GFOD1: variants seen among roughly 807,000 people sequenced by gnomAD.
The protein encoded by GFOD1 is Gfo/Idh/MocA-like oxidoreductase domain containing 1.
Under a neutral mutation model 25.4 loss-of-function variants are expected in GFOD1, and 9 were observed. That is an observed-to-expected ratio of 0.35 (90% CI 0.21 to 0.62). The LOEUF is 0.62. GFOD1 is among the 20% of genes least tolerant of loss of function. The pLI, the probability that GFOD1 is intolerant of heterozygous loss-of-function variation, is 0.72. For synonymous variants in GFOD1, 253 were observed against 245.6 expected, an observed-to-expected ratio of 1.03 and a Z score of -0.28; for missense variants, 403 against 556.9, an observed-to-expected ratio of 0.72 and a Z score of 2.78.
chr6:13,412,141 T>C (rs1350434481), intron 1 of GFOD1, among the ~76,000 whole-genome samples: 4 of 152,222 alleles, frequency 2.6e-5, no homozygotes, highest in African/African-American at 9.6e-5. Context: ...TGTTATGAGC[T>C]GAAGTGTGTC....
intron 1 of GFOD1, among the ~76,000 whole-genome samples, chr6:13,474,118 G>A (rs181543260): frequency 3.0e-4 from 45 of 152,304 alleles, no homozygotes; most frequent in African/African-American, 8.4e-4. Context: ...GGTGGCTCTC[G>A]CCTGTAATCC....
chr6:13,470,234 A>C (rs1475378097), intron 1 of GFOD1: 1 of 1,596,738 alleles, frequency 6.3e-7, no homozygotes, highest in South Asian at 1.1e-5. Context: ...ACTGGAAAGA[A>C]GGGCAATTGC....
chr6:13,435,221 G>A (rs1410997532), intron 1 of GFOD1, among the ~76,000 whole-genome samples: 1 of 152,206 alleles, frequency 6.6e-6, no homozygotes, highest in Non-Finnish European at 1.5e-5. Context: ...AACCCTTGAA[G>A]AGTGTGTCTT....
chr6:13,365,402 C>T lies in GFOD1; in HGVS notation c.514G>A (p.Gly172Ser). ...WSCDDLMGGG[G>S]LHSVGTYIID... ...ATGTAGGTGCCCACGGAGTGCAGGCCGCCGCCGCCCATCAAGTCGTCGCAG... is the reference window on the plus strand; with the variant it reads ...ATGTAGGTGCCCACGGAGTGCAGGCTGCCGCCGCCCATCAAGTCGTCGCAG... The change falls in exon 2 of 2, where the codon GGC becomes AGC. Residue 172 changes from glycine (G) to serine (S), a missense_variant. Coordinates refer to ENST00000379287, the MANE Select transcript of GFOD1 (RefSeq NM_018988.4). This position sits in a 1 kb window ranked among gnomAD's most constrained non-coding sequence, Gnocchi z 9.2. 1.2e-6 allele frequency: 2 copies of T among 1,613,822 alleles called. No individual in the cohort carries two copies. Among genetic ancestry groups the T allele is most frequent in the Non-Finnish European group, 8.5e-7 (1 of 1,179,928 alleles).
chr6:13,377,792 A>T (rs1246427342), intron 1 of GFOD1, among the ~76,000 whole-genome samples: 1 of 152,240 alleles, frequency 6.6e-6, no homozygotes, highest in Non-Finnish European at 1.5e-5. Flanking sequence ...ACAGAGGAAG[A>T]GTCTTAAGTA....
rs113459835 is a variant in GFOD1 at position 13,365,334 on chromosome 6, C to T, written c.582G>A (p.Lys194=). 4.2e-4 allele frequency: 681 copies of T among 1,614,230 alleles called. 2 individuals carry two copies. The African/African-American group carries it at 7.6e-3, about 18-fold the overall frequency. ...CGAAGGTCTTGAGCAGCCCGTGGAC[C>T]TTGACGGCCTTTTGGCCGGTGAGGA... ...LTFLTGQKAV[K]VHGLLKTFVK... The change falls in exon 2 of 2, where the codon AAG becomes AAA. Residue 194 remains lysine (K), a synonymous_variant. Transcript: ENST00000379287. This position sits in a 1 kb window ranked among gnomAD's most constrained non-coding sequence, Gnocchi z 9.2.
At chr6:13,471,485 G>T (rs184369676) in intron 1 of GFOD1, among the ~76,000 whole-genome samples, 27 of 152,250 alleles carry the variant, frequency 1.8e-4, no homozygotes, top group Admixed American at 1.7e-3. Flanking sequence ...AGCAGGGAGG[G>T]GCACTGTCAT....
intron 1 of GFOD1, chr6:13,470,529 G>A (rs1023946460): frequency 1.3e-6 from 2 of 1,548,992 alleles, no homozygotes; most frequent in African/African-American, 2.7e-5. Context: ...CCCATGTGGG[G>A]GTGCTGGAGG....
intron 1 of GFOD1, among the ~76,000 whole-genome samples, chr6:13,409,147 AAGAGAGGAAAGAAAGAAAGGAAAGAGAG>A (rs1786009553): frequency 3.4e-5 from 1 of 29,206 alleles, no homozygotes; most frequent in African/African-American, 6.5e-5. Flanking sequence ...GAAAGAAAGA[AAGAGAGGAAAGAAAGAAAGGAAAGAGAG>A]AGAGAGAGAG....
intron 1 of GFOD1, among the ~76,000 whole-genome samples, chr6:13,424,372 C>T (rs879934111): frequency 1.6e-4 from 24 of 152,104 alleles, no homozygotes; most frequent in Non-Finnish European, 2.6e-4. Flanking sequence ...ATGGTGACCA[C>T]GGTGATCACA....
intron 1 of GFOD1, among the ~76,000 whole-genome samples, chr6:13,414,025 G>A (rs1786123184): frequency 6.6e-6 from 1 of 152,168 alleles, no homozygotes. Context: ...AGTTGCCAAA[G>A]CAAATCACGT....
intron 1 of GFOD1, among the ~76,000 whole-genome samples, chr6:13,405,467 T>G (rs1248258860): frequency 3.9e-5 from 6 of 152,234 alleles, no homozygotes; most frequent in Non-Finnish European, 7.3e-5. Flanking sequence ...TGTTTTATAT[T>G]TACAGCACAT....
chr6:13,366,795 A>G (rs1443282595), intron 1 of GFOD1, among the ~76,000 whole-genome samples: 1 of 152,218 alleles, frequency 6.6e-6, no homozygotes, highest in Non-Finnish European at 1.5e-5. Flanking sequence ...CCAAAAGGCC[A>G]TGACTTACTT....
Position 13,364,546 on chromosome 6 carries a change from G to T in GFOD1, c.*197C>A, listed in dbSNP as rs1480047497. 1 of 589,634 alleles carries T rather than the reference G, an allele frequency of 1.7e-6. No homozygotes were observed. Among genetic ancestry groups the T allele is most frequent in the Non-Finnish European group, 3.0e-6 (1 of 331,900 alleles). The allele number at this position is 589,634 out of a possible 1,614,324, so 36.5% of individuals were successfully genotyped here. A position where few individuals can be genotyped will look rare whatever the true frequency, so the allele number is the denominator to read the frequency against. On this transcript the variant is annotated 3_prime_UTR_variant, in exon 2 of 2. Transcript: ENST00000379287. This position sits in a 1 kb window ranked among gnomAD's most constrained non-coding sequence, Gnocchi z 4.1. ...GGCTCTCCTGAATGCTTCCAGGCTA[G>T]GAGCTCAGCCCACCAACAGTCTGGT...
At chr6:13,378,135 C>T (rs1364036126) in intron 1 of GFOD1, among the ~76,000 whole-genome samples, 3 of 152,190 alleles carry the variant, frequency 2.0e-5, no homozygotes, top group Non-Finnish European at 4.4e-5. Flanking sequence ...CCATCACCCC[C>T]ATTTGTAGAA....
chr6:13,367,573 C>T (rs780947565), intron 1 of GFOD1, among the ~76,000 whole-genome samples: 13 of 152,044 alleles, frequency 8.6e-5, no homozygotes, highest in Non-Finnish European at 1.6e-4. Context: ...GTATAAATTA[C>T]ACAGAGACCA....
At chr6:13,426,574 C>T (rs1786357257) in intron 1 of GFOD1, among the ~76,000 whole-genome samples, 1 of 152,170 alleles carries the variant, frequency 6.6e-6, no homozygotes. Context: ...GGCCTCTACC[C>T]CCTAAGAAGG....
chr6:13,385,356 A>G (rs1229214521), intron 1 of GFOD1, among the ~76,000 whole-genome samples: 1 of 152,196 alleles, frequency 6.6e-6, no homozygotes, highest in Non-Finnish European at 1.5e-5. Flanking sequence ...TAAAAGTACC[A>G]TTGGGAACCA....
chr6:13,469,864 C>T (rs938121111), intron 1 of GFOD1: 5 of 1,206,624 alleles, frequency 4.1e-6, no homozygotes, highest in South Asian at 1.3e-5. Context: ...ATGAGTAACA[C>T]TCGTACTATG....
Sources: gnomAD v4.1 joint callset for allele counts (sites outside exome capture counted in the v4.1 genomes callset) on GRCh38, gnomAD v4.1.1 for gene constraint, Gnocchi (gnomAD v3.1) non-coding constraint, MANE v1.5 for transcripts, NCBI Gene and HGNC (gene_info 2026-07-23, HGNC 2026-07-21) for gene names.